Variants in UBR1 observed in about 807,000 individuals in gnomAD.
UBR1 encodes the protein ubiquitin protein ligase E3 component n-recognin 1, also known as E3 ubiquitin-protein ligase UBR1.
In UBR1, 102 loss-of-function variants were observed where a neutral mutation model predicts 242.1. The observed-to-expected ratio is 0.42, with a 90% CI of 0.36 to 0.50. UBR1 has a LOEUF of 0.50. UBR1 is among the 20% of genes least tolerant of loss of function. The probability of loss-of-function intolerance (pLI) is 0.01; values close to 1 mark genes in which losing one functional copy is unlikely to be tolerated. For synonymous variants in UBR1, 675 were observed against 684.8 expected (o/e 0.99, Z 0.22); for missense variants, 1,772 against 2,101.8 (o/e 0.84, Z 3.07).
At chr15:42,946,527 T>C (rs1010275381) in intron 46 of UBR1, among the ~76,000 whole-genome samples, 22 of 152,132 alleles carry the variant, frequency 1.4e-4, no homozygotes, top group African/African-American at 4.8e-4. Context: ...ACCACTCTGC[T>C]TTTCTCCCTA....
intron 16 of UBR1, 34 bp downstream of exon 16, chr15:43,038,137 T>C (rs1186154107): frequency 6.2e-7 from 1 of 1,608,166 alleles, no homozygotes; most frequent in Admixed American, 1.7e-5. Context: ...AGAAACAGAA[T>C]ATAAGCAAAT....
intron 25 of UBR1, among the ~76,000 whole-genome samples, chr15:43,023,451 T>C (rs1272112654): frequency 6.7e-6 from 1 of 149,712 alleles, no homozygotes. Flanking sequence ...ATTAGCCAGG[T>C]GTGGTGGTGG....
chr15:42,971,594 T>C (rs1424324191), intron 39 of UBR1, among the ~76,000 whole-genome samples: 2 of 152,230 alleles, frequency 1.3e-5, no homozygotes, highest in Non-Finnish European at 2.9e-5. Context: ...CCTCAGTAAT[T>C]TTATCATATC....
At chr15:43,004,912 G>A (rs942475828) in intron 30 of UBR1, among the ~76,000 whole-genome samples, 5 of 151,492 alleles carry the variant, frequency 3.3e-5, no homozygotes, top group Admixed American at 2.0e-4. Flanking sequence ...CTTCCCAGCC[G>A]CCATCCCGTC....
At chr15:42,988,222 A>G (rs1019785662) in intron 35 of UBR1, among the ~76,000 whole-genome samples, 1 of 152,062 alleles carries the variant, frequency 6.6e-6, no homozygotes. Context: ...TTGAACCTCT[A>G]TAACTTACAT....
At chr15:43,050,973 G>A (rs2033548179) in intron 12 of UBR1, among the ~76,000 whole-genome samples, 1 of 152,126 alleles carries the variant, frequency 6.6e-6, no homozygotes, top group Non-Finnish European at 1.5e-5. Flanking sequence ...ATACACTGTT[G>A]GTAGGAGCAT....
intron 31 of UBR1, 71 bp downstream of exon 31, chr15:43,003,766 C>G: frequency 7.4e-7 from 1 of 1,354,062 alleles, no homozygotes; most frequent in Non-Finnish European, 1.1e-6. Flanking sequence ...AGAAAACATG[C>G]CTTTTTGTGG....
chr15:43,103,270 G>A (rs185580258), intron 1 of UBR1, among the ~76,000 whole-genome samples: 18 of 152,318 alleles, frequency 1.2e-4, no homozygotes, highest in Non-Finnish European at 1.8e-4. Context: ...GGAGGTTGAG[G>A]TGGGAAGATC....
chr15:43,050,302 A>AGAG (rs1396867909), intron 12 of UBR1, among the ~76,000 whole-genome samples: 1 of 152,230 alleles, frequency 6.6e-6, no homozygotes, highest in Non-Finnish European at 1.5e-5. Flanking sequence ...AACTATCAAC[A>AGAG]GAGTGAAGAG....
chr15:43,043,532 C>T (rs1183059311), intron 14 of UBR1, 137 bp from the exon 15 acceptor site: 8 of 794,182 alleles, frequency 1.0e-5, no homozygotes, highest in Admixed American at 4.1e-5. Context: ...GCCTCAACCT[C>T]CTGGGCTCAG....
intron 3 of UBR1, among the ~76,000 whole-genome samples, chr15:43,075,617 A>ATTT (rs776345905): frequency 7.1e-6 from 1 of 140,996 alleles, no homozygotes; most frequent in Non-Finnish European, 1.6e-5. Context: ...GAGTGATAAG[A>ATTT]TTTTTTTTTT....
chr15:43,042,779 C>T (rs1241890642), intron 15 of UBR1, among the ~76,000 whole-genome samples: 1 of 151,764 alleles, frequency 6.6e-6, no homozygotes, highest in African/African-American at 2.4e-5. Context: ...TTTTAAAAAC[C>T]CTGACAAATG....
At position 43,096,237 on chromosome 15, in the gene UBR1, G is replaced by A. The variant is rs890511880; in HGVS notation, c.81+9705C>T. On this transcript the variant is annotated intron_variant, in intron 1 of 46. Transcript: ENST00000290650. The stretch of plus-strand genomic sequence containing the variant: ...CCCTCAGACTGGAGTGCAGTGGCAC[G>A]ATCTGGGCTCACTGCAATCTCCGCC... Among the ~76,000 whole-genome samples, 14 of 150,834 alleles carry A rather than the reference G, an allele frequency of 9.3e-5. No homozygotes were observed. The South Asian group carries it at 1.9e-3, about 20-fold the overall frequency.
At chr15:43,001,557 T>C (rs2032725696) in intron 32 of UBR1, among the ~76,000 whole-genome samples, 1 of 152,184 alleles carries the variant, frequency 6.6e-6, no homozygotes, top group Non-Finnish European at 1.5e-5. Flanking sequence ...AGAATTTAGG[T>C]TTACCATTAC....
intron 6 of UBR1, among the ~76,000 whole-genome samples, chr15:43,066,968 A>G (rs997315346): frequency 2.0e-5 from 3 of 152,162 alleles, no homozygotes; most frequent in Non-Finnish European, 2.9e-5. Context: ...GTGAACATTA[A>G]ACTTTGAAGA....
intron 11 of UBR1, among the ~76,000 whole-genome samples, chr15:43,055,449 A>AG (rs902516190): frequency 6.6e-6 from 1 of 152,120 alleles, no homozygotes; most frequent in African/African-American, 2.4e-5. Flanking sequence ...TCTCAAAAAA[A>AG]AAAATCACAC....
At chr15:42,961,668 G>C (rs934032294) in intron 42 of UBR1, among the ~76,000 whole-genome samples, 10 of 151,032 alleles carry the variant, frequency 6.6e-5, no homozygotes, top group African/African-American at 2.2e-4. Context: ...CTTGACCTCA[G>C]GTGATTTGCC....
Position 43,054,726 on chromosome 15 carries a change from G to A in UBR1, c.1439+16C>T, listed in dbSNP as rs369920893. The A allele has an allele frequency of 6.2e-7, 1 of 1,613,740 alleles. No homozygotes were observed. Among genetic ancestry groups the A allele is most frequent in the African/African-American group, 1.3e-5 (1 of 74,894 alleles). On this transcript the variant is annotated intron_variant, in intron 12 of 46. Transcript: ENST00000290650. Reference sequence around the variant, plus strand: ...AGTTTAACAGGTGCCCTCACCTTTTGACTTGAACAACTTACTTTAGGTCAC... The same window carrying A: ...AGTTTAACAGGTGCCCTCACCTTTTAACTTGAACAACTTACTTTAGGTCAC...
chr15:43,104,878 G>T (rs1392627090), intron 1 of UBR1, among the ~76,000 whole-genome samples: 1 of 151,906 alleles, frequency 6.6e-6, no homozygotes, highest in Non-Finnish European at 1.5e-5. Context: ...ATGGTGGCAG[G>T]CACCTGTAAT....
Sources: gnomAD v4.1 joint callset for allele counts (sites outside exome capture counted in the v4.1 genomes callset) on GRCh38, gnomAD v4.1.1 for gene constraint, MANE v1.5 for transcripts, NCBI Gene and HGNC (gene_info 2026-07-23, HGNC 2026-07-21) for gene names.